Variants in RHOF observed in about 807,000 individuals in gnomAD.
RHOF encodes the protein rho-related GTP-binding protein RhoF.
RHOF carries 21 observed loss-of-function variants against 22.2 expected under a neutral mutation model. The ratio of observed to expected loss-of-function variants is 0.95; its 90% CI spans 0.67 to 1.36. The LOEUF is 1.36. Ranked by LOEUF, RHOF falls within the 40% of genes most tolerant of loss-of-function variation. RHOF has a pLI of 0.00. For missense variants in RHOF, 285 were observed against 293.7 expected (o/e 0.97, Z 0.22); for synonymous variants, 135 against 131.2 (o/e 1.03, Z -0.20).
At chr12:121,786,612 T>C (rs1874616676) in intron 2 of RHOF, among the ~76,000 whole-genome samples, 1 of 152,126 alleles carries the variant, frequency 6.6e-6, no homozygotes, top group Admixed American at 6.5e-5. Context: ...CCTTCCCTCC[T>C]CTCCTTCAGG....
Position 121,793,146 on chromosome 12 carries a change from A to T in RHOF, c.226+6T>A. On this transcript the variant is annotated splice_donor_region_variant and intron_variant, in intron 2 of 4. Coordinates refer to ENST00000267205, the MANE Select transcript of RHOF (RefSeq NM_019034.3). ...CTCGGGCCCCCCGGCGCGCAGGCGC[A>T]CTCACCGGCCGTGTCGTAGAGGTTC... 1 of 1,549,126 alleles carries T rather than the reference A, an allele frequency of 6.5e-7. No individual in the cohort carries two copies. The highest frequency in any genetic ancestry group is 8.7e-7 in the Non-Finnish European group (1 of 1,146,438).
chr12:121,781,169 G>A lies in RHOF; in HGVS notation c.250C>T (p.Arg84Trp), dbSNP rs867922815. Residue 84 changes from arginine (R) to tryptophan (W), a missense_variant, in exon 3 of 5, where the codon CGG (arginine) becomes TGG (tryptophan). Arg to Trp is a moderately radical substitution (Grantham distance 101, BLOSUM62 -3). Transcript: ENST00000267205. The part of the protein sequence containing the change: ...TAGQEDYDRL[R>W]PLSYQNTHLV... ...TGGGTGTTCTGGTAGGACAGGGGCC[G>A]CAGCCGGTCATAGTCTTCTTGCCCT... 6 of 1,614,108 alleles carry A rather than the reference G, an allele frequency of 3.7e-6. No homozygotes were observed. The highest frequency in any genetic ancestry group is 1.7e-5 in the Admixed American group (1 of 60,002).
intron 4 of RHOF, 89 bp from the exon 5 acceptor site, chr12:121,779,751 T>C: frequency 4.3e-6 from 6 of 1,391,160 alleles, no homozygotes; most frequent in South Asian, 3.7e-5. Flanking sequence ...CTCTGAGGAC[T>C]CTGCAGGGAT....
rs145137511 is a variant in RHOF at position 121,781,100 on chromosome 12, C to T, written c.319G>A (p.Asp107Asn). The T allele has an allele frequency of 1.6e-4, 262 of 1,614,074 alleles. No individual in the cohort carries two copies. The highest frequency in any genetic ancestry group is 2.0e-4 in the Non-Finnish European group (241 of 1,180,022). ...GGCCTCACCTTGATGAGGACGTTGT[C>T]GTAGCTGGTGGGATTCATGACGTCA... ...CYDVMNPTSY[D>N]NVLIKWFPEV... The change falls in exon 3 of 5, where the codon GAC becomes AAC. Residue 107 changes from aspartate to asparagine, a missense_variant. Physicochemically the swap from Asp to Asn is conservative, Grantham distance 23. Transcript: ENST00000267205.
At chr12:121,791,154 C>A (rs1269050298) in intron 2 of RHOF, among the ~76,000 whole-genome samples, 1 of 151,994 alleles carries the variant, frequency 6.6e-6, no homozygotes, top group Non-Finnish European at 1.5e-5. Context: ...GAGATGTAGT[C>A]TCGCCCTGTC....
At chr12:121,787,864 C>A (rs1359592494) in intron 2 of RHOF, among the ~76,000 whole-genome samples, 1 of 131,474 alleles carries the variant, frequency 7.6e-6, no homozygotes, top group African/African-American at 3.0e-5. Flanking sequence ...ACACTCCAGC[C>A]TGGGCAACAG....
At chr12:121,793,024 C>T (rs1474789441) in intron 2 of RHOF, 128 bp downstream of exon 2, 1 of 790,720 alleles carries the variant, frequency 1.3e-6, no homozygotes, top group Non-Finnish European at 2.0e-6. Context: ...GAGCGGCCTC[C>T]AGGAGTGAAG....
chr12:121,792,846 A>G (rs771403745), intron 2 of RHOF, among the ~76,000 whole-genome samples: 4 of 152,236 alleles, frequency 2.6e-5, no homozygotes, highest in Admixed American at 6.5e-5. Context: ...TCCTGGAACC[A>G]TGGGAGGCCC....
intron 4 of RHOF, chr12:121,779,871 G>C: frequency 3.5e-6 from 2 of 576,632 alleles, no homozygotes; most frequent in South Asian, 4.3e-5. Flanking sequence ...AAGAAGCCCT[G>C]TCCAGGCCCC....
In RHOF at chr12:121,793,664, C is replaced by T; in HGVS notation, c.-31G>A. On this transcript the variant is annotated 5_prime_UTR_variant, in exon 1 of 5. Coordinates refer to ENST00000267205, the MANE Select transcript of RHOF (RefSeq NM_019034.3). ...GGAGCCCGCAGCACTGGCGGCGGCG[C>T]GCCGGGCACTAGCGGAGCCAAGAGG... 1.3e-6 allele frequency: 2 copies of T among 1,509,648 alleles called. No homozygotes were observed. Among genetic ancestry groups the T allele is most frequent in the South Asian group, 1.2e-5 (1 of 81,262 alleles). 93.5% of individuals were successfully genotyped at this position (1,509,648 alleles called of 1,614,324 possible). A position where few individuals can be genotyped will look rare whatever the true frequency, so the allele number is the denominator to read the frequency against.
chr12:121,780,906 CG>C lies in RHOF; in HGVS notation c.436del (p.Arg146GlyfsTer14). On this transcript the variant is annotated frameshift_variant, in exon 4 of 5. Coordinates refer to ENST00000267205, the MANE Select transcript of RHOF (RefSeq NM_019034.3). LOFTEE classifies it high-confidence loss of function. ...GGTGATGGGCTCCAGCTGGGCGGCC[CG>C]GAGCTTCCGCAGCTGCTCCTTGTCC... Reference protein sequence around the residue: ...RKDKEQLRKLRAAQLEPITYM... With the variant: ...RKDKEQLRKLXAAQLEPITYM... 1 of 1,613,818 alleles carries C rather than the reference CG, an allele frequency of 6.2e-7. No homozygotes were observed. Among genetic ancestry groups the C allele is most frequent in the Non-Finnish European group, 8.5e-7 (1 of 1,179,918 alleles).
chr12:121,779,765 G>A, intron 4 of RHOF, 103 bp from the exon 5 acceptor site: 1 of 1,289,016 alleles, frequency 7.8e-7, no homozygotes, highest in Non-Finnish European at 1.1e-6. Context: ...CAGGGATGGA[G>A]GCCTTGGTTT....
intron 2 of RHOF, 185 bp from the exon 3 acceptor site, chr12:121,781,377 C>T (rs1005419932): frequency 1.6e-5 from 9 of 577,930 alleles, no homozygotes; most frequent in South Asian, 4.0e-5. Context: ...AGGCTGAGGC[C>T]GGAGGATCGC....
At chr12:121,786,894 C>T (rs1874622380) in intron 2 of RHOF, among the ~76,000 whole-genome samples, 1 of 151,966 alleles carries the variant, frequency 6.6e-6, no homozygotes, top group Non-Finnish European at 1.5e-5. Context: ...AAAAACTGGC[C>T]GGGTATGGGG....
rs927592311 is a variant in RHOF at position 121,784,035 on chromosome 12, T to C, written c.227-2843A>G. On this transcript the variant is annotated intron_variant, in intron 2 of 4. Coordinates refer to ENST00000267205, the MANE Select transcript of RHOF (RefSeq NM_019034.3). ...GTTTCTCAAACCCACCAAGCTCTCA[T>C]GTCCCAGCCTTTGTGCTTGCTGTTC... Among the ~76,000 whole-genome samples the C allele has an allele frequency of 1.1e-4, 17 of 152,312 alleles. No individual in the cohort carries two copies. The East Asian group carries it at 3.3e-3, about 29-fold the overall frequency.
chr12:121,788,168 A>G (rs1004394175), intron 2 of RHOF, among the ~76,000 whole-genome samples: 23 of 152,180 alleles, frequency 1.5e-4, no homozygotes, highest in Non-Finnish European at 2.2e-4. Context: ...GAGAAACGGA[A>G]GCACAGAGAG....
At chr12:121,793,380 C>T (rs1874816336) in intron 1 of RHOF, 116 bp downstream of exon 1, 6 of 1,459,150 alleles carry the variant, frequency 4.1e-6, no homozygotes, top group Non-Finnish European at 4.6e-6. Flanking sequence ...CGAGGGGGCG[C>T]CCCGGGGTGG....
chr12:121,788,066 G>A (rs145023502), intron 2 of RHOF, among the ~76,000 whole-genome samples: 57 of 152,200 alleles, frequency 3.7e-4, no homozygotes, highest in Non-Finnish European at 7.1e-4. Context: ...TTACATGCCA[G>A]GTCTAGCTCA....
rs1227306315 is a variant in RHOF at position 121,778,542 on chromosome 12, A to G, written c.*956T>C. On this transcript the variant is annotated 3_prime_UTR_variant, in exon 5 of 5. Coordinates refer to ENST00000267205, the MANE Select transcript of RHOF (RefSeq NM_019034.3). ...TTAGGTATCTGGCTGTTGGTGACAC[A>G]GGTGGTCTATGAACCAGTTCTGAGA... 6.6e-6 allele frequency: 1 copy of G among 152,058 alleles called. No individual in the cohort carries two copies. Among genetic ancestry groups the G allele is most frequent in the Non-Finnish European group, 1.5e-5 (1 of 68,060 alleles). The allele number at this position is 152,058 out of a possible 1,614,324, so 9.4% of individuals were successfully genotyped here.
Sources: gnomAD v4.1 joint callset for allele counts (sites outside exome capture counted in the v4.1 genomes callset) on GRCh38, gnomAD v4.1.1 for gene constraint, MANE v1.5 for transcripts, NCBI Gene and HGNC (gene_info 2026-07-23, HGNC 2026-07-21) for gene names.